Variants in PPM1L observed in about 807,000 individuals in gnomAD.
PPM1L encodes protein phosphatase 1L.
PPM1L carries 13 observed loss-of-function variants against 31.4 expected under a neutral mutation model. That is an observed-to-expected ratio of 0.41 (90% CI 0.27 to 0.66). PPM1L has a LOEUF of 0.66. PPM1L is among the 30% of genes least tolerant of loss of function. PPM1L has a pLI of 0.29. For missense variants in PPM1L, 326 were observed against 453.7 expected (o/e 0.72, Z 2.56); for synonymous variants, 184 against 175.4 (o/e 1.05, Z -0.39).
intron 1 of PPM1L, among the ~76,000 whole-genome samples, chr3:160,907,574 C>T (rs940742484): frequency 1.3e-5 from 2 of 152,008 alleles, no homozygotes; most frequent in Non-Finnish European, 2.9e-5. Context: ...AAGTGTTTTG[C>T]TTTTAATTGC....
chr3:161,038,975 T>C (rs1360960829), intron 2 of PPM1L, among the ~76,000 whole-genome samples: 1 of 152,200 alleles, frequency 6.6e-6, no homozygotes, highest in Non-Finnish European at 1.5e-5. Flanking sequence ...GAATGACCTC[T>C]AGTCCTCCTC....
chr3:160,947,159 C>G (rs1715434103), intron 1 of PPM1L, among the ~76,000 whole-genome samples: 1 of 152,102 alleles, frequency 6.6e-6, no homozygotes, highest in Admixed American at 6.6e-5. Flanking sequence ...CATCATAAAC[C>G]CATTTTAATG....
At chr3:160,954,987 T>C (rs1379651399) in intron 1 of PPM1L, among the ~76,000 whole-genome samples, 1 of 145,414 alleles carries the variant, frequency 6.9e-6, no homozygotes, top group Non-Finnish European at 1.5e-5. Flanking sequence ...TTCCTTTCCT[T>C]TCCCTCCCTC....
In PPM1L at chr3:160,756,324, A is replaced by G. The variant is rs1173982245; in HGVS notation, c.16A>G (p.Met6Val). 3 of 1,613,384 alleles carry G rather than the reference A, an allele frequency of 1.9e-6. No homozygotes were observed. The highest frequency in any genetic ancestry group is 1.1e-5 in the South Asian group (1 of 91,046). MIEDTMTLLSLLGRIM... is the reference protein window; with the variant it reads MIEDTVTLLSLLGRIM... ...GCGATAATAAATGATAGAGGATACAATGACTTTGCTGTCTCTGCTGGGTCG... is the reference window on the plus strand; with the variant it reads ...GCGATAATAAATGATAGAGGATACAGTGACTTTGCTGTCTCTGCTGGGTCG... The change falls in exon 1 of 4, where the codon ATG becomes GTG. Residue 6 changes from methionine (M) to valine (V), a missense_variant. Transcript: ENST00000498165. This position sits in a 1 kb window ranked among gnomAD's most constrained non-coding sequence, Gnocchi z 6.2.
intron 3 of PPM1L, among the ~76,000 whole-genome samples, chr3:161,067,222 C>T (rs939313502): frequency 6.6e-6 from 1 of 152,166 alleles, no homozygotes; most frequent in Non-Finnish European, 1.5e-5. Context: ...CCTCTTCTTC[C>T]CTGTCATACC....
At chr3:160,922,071 G>A (rs1456079695) in intron 1 of PPM1L, among the ~76,000 whole-genome samples, 1 of 152,164 alleles carries the variant, frequency 6.6e-6, no homozygotes, top group African/African-American at 2.4e-5. Context: ...AGCACTTTGG[G>A]AGGCCAAGGC....
intron 2 of PPM1L, among the ~76,000 whole-genome samples, chr3:161,038,585 TAAAAAAAAAAAAAAA>T (rs35502476): frequency 5.4e-5 from 6 of 110,584 alleles, no homozygotes; most frequent in African/African-American, 9.3e-5. Context: ...GGATTTGTTT[TAAAAAAAAAAAAAAA>T]AAAAAAAAAA....
chr3:160,771,266 CT>C (rs199529772), intron 1 of PPM1L, among the ~76,000 whole-genome samples: 8 of 150,346 alleles, frequency 5.3e-5, no homozygotes, highest in African/African-American at 9.8e-5. Context: ...CTTTTCTTTT[CT>C]TTTTTTTTGA....
intron 2 of PPM1L, among the ~76,000 whole-genome samples, chr3:160,975,782 A>G (rs1338040558): frequency 2.0e-5 from 3 of 151,954 alleles, no homozygotes; most frequent in Middle Eastern, 3.2e-3. Flanking sequence ...GGCTGAGACA[A>G]TGGGGTTTTC....
At chr3:160,984,943 AC>A (rs1716916969) in intron 2 of PPM1L, among the ~76,000 whole-genome samples, 1 of 152,078 alleles carries the variant, frequency 6.6e-6, no homozygotes, top group South Asian at 2.1e-4. Context: ...AGTGGGTAGA[AC>A]CCAAGGATGC....
In PPM1L at chr3:161,035,456, G is replaced by A. The variant is rs186503725; in HGVS notation, c.575-29947G>A. ...AATTCTTTAGAAAGTGCTTTTGACT[G>A]TAGACAGACATGCTAAAGGCTGTGC... On this transcript the variant is annotated intron_variant, in intron 2 of 3. Coordinates refer to ENST00000498165, the MANE Select transcript of PPM1L (RefSeq NM_139245.4). Among the ~76,000 whole-genome samples the A allele has an allele frequency of 3.7e-4, 57 of 152,352 alleles. 1 individual carries two copies. The South Asian group carries it at 0.01, about 27-fold the overall frequency.
intron 1 of PPM1L, among the ~76,000 whole-genome samples, chr3:160,896,008 A>G (rs1240873494): frequency 6.6e-6 from 1 of 152,022 alleles, no homozygotes; most frequent in Non-Finnish European, 1.5e-5. Flanking sequence ...TCTCATGTTC[A>G]TTTATTTTTT....
intron 3 of PPM1L, 119 bp downstream of exon 3, chr3:161,065,683 G>A (rs1415140429): frequency 1.7e-5 from 13 of 786,680 alleles, no homozygotes; most frequent in Middle Eastern, 2.6e-4. Context: ...CTGCTACTGA[G>A]GTAACTGAGA....
chr3:160,873,425 T>A (rs901512117), intron 1 of PPM1L, among the ~76,000 whole-genome samples: 1 of 152,220 alleles, frequency 6.6e-6, no homozygotes, highest in Admixed American at 6.5e-5. Context: ...AGGTAGACTA[T>A]GGAATATTAC....
intron 1 of PPM1L, among the ~76,000 whole-genome samples, chr3:160,888,784 C>T (rs1487368783): frequency 6.6e-6 from 1 of 152,170 alleles, no homozygotes; most frequent in Non-Finnish European, 1.5e-5. Flanking sequence ...AAACATTCCT[C>T]AGCAAATGCA....
At chr3:161,051,219 A>T (rs151095694) in intron 2 of PPM1L, among the ~76,000 whole-genome samples, 1 of 152,264 alleles carries the variant, frequency 6.6e-6, no homozygotes, top group South Asian at 2.1e-4. Flanking sequence ...CTGAATTCTA[A>T]GTGTCTGTTT....
chr3:160,778,273 A>G (rs1049120084), intron 1 of PPM1L, among the ~76,000 whole-genome samples: 1 of 152,064 alleles, frequency 6.6e-6, no homozygotes, highest in East Asian at 1.9e-4. Context: ...TGTAGTCCAG[A>G]TATTAATCTC....
At chr3:161,000,461 A>T (rs950469406) in intron 2 of PPM1L, among the ~76,000 whole-genome samples, 1 of 152,230 alleles carries the variant, frequency 6.6e-6, no homozygotes. Context: ...AGAAAAAGTA[A>T]GTTTCAAAAA....
At chr3:161,007,150 C>T (rs1179262684) in intron 2 of PPM1L, among the ~76,000 whole-genome samples, 1 of 152,152 alleles carries the variant, frequency 6.6e-6, no homozygotes, top group Admixed American at 6.6e-5. Flanking sequence ...ACTCAACGAC[C>T]TATATTCTAA....
Sources: gnomAD v4.1 joint callset for allele counts (sites outside exome capture counted in the v4.1 genomes callset) on GRCh38, gnomAD v4.1.1 for gene constraint, Gnocchi (gnomAD v3.1) non-coding constraint, MANE v1.5 for transcripts, NCBI Gene and HGNC (gene_info 2026-07-23, HGNC 2026-07-21) for gene names.